The following SARM1 variants were observed in gnomAD, a reference collection of about 807,000 sequenced individuals.
SARM1 encodes sterile alpha and TIR motif containing 1, also known as NAD(+) hydrolase SARM1.
SARM1 carries 60 observed loss-of-function variants against 65.1 expected under a neutral mutation model. The ratio of observed to expected loss-of-function variants is 0.92; its 90% CI spans 0.75 to 1.14. The LOEUF is 1.14. SARM1 is among the 50% of genes most tolerant of loss of function. The pLI is 0.00. For missense variants in SARM1, 913 were observed against 1,015.7 expected, an observed-to-expected ratio of 0.90 and a Z score of 1.37; for synonymous variants, 417 against 465.4, an observed-to-expected ratio of 0.90 and a Z score of 1.34.
In SARM1 at chr17:28,396,846, G is replaced by A. The variant is rs2068131151; in HGVS notation, c.*560G>A. 1 of 153,142 alleles carries A rather than the reference G, an allele frequency of 6.5e-6. No individual in the cohort carries two copies. 9.5% of individuals were successfully genotyped at this position (153,142 alleles called of 1,614,324 possible). The stretch of plus-strand genomic sequence containing the variant: ...TGTAATCACTCAGTGCCCTTAGCTA[G>A]CCTGACTAAGTCCCAGATCCCCTAC... On this transcript the variant is annotated 3_prime_UTR_variant, in exon 9 of 9. Coordinates refer to ENST00000585482, the MANE Select transcript of SARM1 (RefSeq NM_015077.4).
intron 2 of SARM1, among the ~76,000 whole-genome samples, chr17:28,383,364 G>C (rs1396202646): frequency 6.6e-6 from 1 of 152,108 alleles, no homozygotes; most frequent in Non-Finnish European, 1.5e-5. Context: ...ACAAAGTGAG[G>C]CTCCATCTCA....
chr17:28,388,719 G>C (rs1460234862), intron 7 of SARM1, among the ~76,000 whole-genome samples, 180 bp downstream of exon 7: 2 of 152,052 alleles, frequency 1.3e-5, no homozygotes, highest in Non-Finnish European at 2.9e-5. Context: ...CAAACCACAA[G>C]GGACAAGAGA....
At position 28,388,286 on chromosome 17, in the gene SARM1, G is replaced by T. The variant is rs1555586364; in HGVS notation, c.1733+10G>T. ...GTTCCCAGCTGGCCAGGTGAGGAGG[G>T]GCGGGCGGGCAGCGACGGGGCGTGG... On this transcript the variant is annotated intron_variant, in intron 6 of 8. Coordinates refer to ENST00000585482, the MANE Select transcript of SARM1 (RefSeq NM_015077.4). 6.4e-7 allele frequency: 1 copy of T among 1,561,812 alleles called. No individual in the cohort carries two copies.
rs938121211 is a variant in SARM1 at position 28,385,358 on chromosome 17, C to G, written c.1630+83C>G. 4 of 1,056,372 alleles carry G rather than the reference C, an allele frequency of 3.8e-6. No homozygotes were observed. The highest frequency in any genetic ancestry group is 4.0e-6 in the Non-Finnish European group (3 of 749,966). The allele number at this position is 1,056,372 out of a possible 1,614,324, so 65.4% of individuals were successfully genotyped here. A position where few individuals can be genotyped will look rare whatever the true frequency, so the allele number is the denominator to read the frequency against. ...TGGTGAGGGGAGACACGGGGTGGAG[C>G]CTTCCAGCCTCGCCGTGGATTGATT... On this transcript the variant is annotated intron_variant, in intron 5 of 8. Coordinates refer to ENST00000585482, the MANE Select transcript of SARM1 (RefSeq NM_015077.4). The surrounding 1 kb of genome is among the most constrained non-coding windows in gnomAD (Gnocchi z 4.5).
chr17:28,384,648 G>T lies in SARM1; in HGVS notation c.1302+79G>T. 1 of 1,403,192 alleles carries T rather than the reference G, an allele frequency of 7.1e-7. No individual in the cohort carries two copies. The highest frequency in any genetic ancestry group is 9.6e-7 in the Non-Finnish European group (1 of 1,037,554). 86.9% of individuals were successfully genotyped at this position (1,403,192 alleles called of 1,614,324 possible). A position where few individuals can be genotyped will look rare whatever the true frequency, so the allele number is the denominator to read the frequency against. On this transcript the variant is annotated intron_variant, in intron 3 of 8. Transcript: ENST00000585482. This position sits in a 1 kb window ranked among gnomAD's most constrained non-coding sequence, Gnocchi z 4.4. ...AGGGACTGCGTTCCCTCCCCGCCTC[G>T]CAATCCCGCGGCGCCAGGGTCGCTT... is the stretch of plus-strand genomic sequence containing the variant.
chr17:28,400,851 G>A lies in SARM1; in HGVS notation c.*4565G>A. On this transcript the variant is annotated 3_prime_UTR_variant, in exon 9 of 9. Coordinates refer to ENST00000585482, the MANE Select transcript of SARM1 (RefSeq NM_015077.4). ...CCACCACCTCACAGCTGTGTGACCG[G>A]GAGTAGTCACTTAACCTATGTCTCC... 7.9e-7 allele frequency: 1 copy of A among 1,272,182 alleles called. No individual in the cohort carries two copies. Among genetic ancestry groups the A allele is most frequent in the Non-Finnish European group, 1.1e-6 (1 of 898,616 alleles). 78.8% of individuals were successfully genotyped at this position (1,272,182 alleles called of 1,614,324 possible).
Position 28,388,171 on chromosome 17 carries a change from C to A in SARM1, c.1631-3C>A. 6.5e-7 allele frequency: 1 copy of A among 1,547,828 alleles called. No homozygotes were observed. Among genetic ancestry groups the A allele is most frequent in the Non-Finnish European group, 8.7e-7 (1 of 1,145,342 alleles). On this transcript the variant is annotated splice_region_variant and splice_polypyrimidine_tract_variant and intron_variant, in intron 5 of 8. Coordinates refer to ENST00000585482, the MANE Select transcript of SARM1 (RefSeq NM_015077.4). ...TCACCATGCTGCCTATTGCCCACTTCAGAAATGCTACACTCCCCGCTGCCC... is the reference window on the plus strand; with the variant it reads ...TCACCATGCTGCCTATTGCCCACTTAAGAAATGCTACACTCCCCGCTGCCC...
chr17:28,381,958 G>T, intron 2 of SARM1, 137 bp downstream of exon 2: 1 of 1,171,712 alleles, frequency 8.5e-7, no homozygotes, highest in South Asian at 2.6e-5. Context: ...GAGCGGGCCA[G>T]TCATTTTGGC....
chr17:28,396,417 C>G lies in SARM1; in HGVS notation c.*131C>G, dbSNP rs1567812587. 9.8e-7 allele frequency: 1 copy of G among 1,024,980 alleles called. No homozygotes were observed. Among genetic ancestry groups the G allele is most frequent in the Non-Finnish European group, 1.4e-6 (1 of 692,662 alleles). 63.5% of individuals were successfully genotyped at this position (1,024,980 alleles called of 1,614,324 possible). On this transcript the variant is annotated 3_prime_UTR_variant, in exon 9 of 9. Coordinates refer to ENST00000585482, the MANE Select transcript of SARM1 (RefSeq NM_015077.4). The stretch of plus-strand genomic sequence containing the variant: ...TCTTAGGAAATGGCTCTCCCTCCCC[C>G]TGTCCCCCACCCTCATGGCCCACCT...
Position 28,384,821 on chromosome 17 carries a change from A to C in SARM1, c.1303-18A>C, listed in dbSNP as rs375015257. 107 of 1,550,936 alleles carry C rather than the reference A, an allele frequency of 6.9e-5. No homozygotes were observed. The African/African-American group carries it at 1.3e-3, about 19-fold the overall frequency. On this transcript the variant is annotated intron_variant, in intron 3 of 8. Coordinates refer to ENST00000585482, the MANE Select transcript of SARM1 (RefSeq NM_015077.4). This position sits in a 1 kb window ranked among gnomAD's most constrained non-coding sequence, Gnocchi z 4.4. ...GCGGAGTAGCGAAGCCCTTCCTGACACCCGACTCCTCCCCCAGGAGCAGCA... is the reference window on the plus strand; with the variant it reads ...GCGGAGTAGCGAAGCCCTTCCTGACCCCCGACTCCTCCCCCAGGAGCAGCA...
intron 1 of SARM1, among the ~76,000 whole-genome samples, chr17:28,374,991 A>C (rs1280447069): frequency 1.3e-5 from 2 of 150,430 alleles, no homozygotes; most frequent in Admixed American, 6.6e-5. Flanking sequence ...AAAAAAAAAA[A>C]AAAACAATTC....
chr17:28,389,363 A>G (rs1161481829), intron 7 of SARM1, among the ~76,000 whole-genome samples: 1 of 152,186 alleles, frequency 6.6e-6, no homozygotes, highest in East Asian at 1.9e-4. Context: ...TATTATTATT[A>G]ATATAATTAT....
intron 7 of SARM1, among the ~76,000 whole-genome samples, chr17:28,392,415 C>T (rs782641304): frequency 1.4e-4 from 21 of 152,140 alleles, no homozygotes; most frequent in African/African-American, 1.9e-4. Context: ...CACACACGGC[C>T]GCCATTATCC....
At chr17:28,387,268 T>C (rs2068055936) in intron 5 of SARM1, among the ~76,000 whole-genome samples, 1 of 151,434 alleles carries the variant, frequency 6.6e-6, no homozygotes, top group Admixed American at 6.6e-5. Context: ...AGTCTCACTC[T>C]GTCGCCCAGG....
Position 28,399,574 on chromosome 17 carries a change from G to A in SARM1, c.*3288G>A. 4 of 1,439,618 alleles carry A rather than the reference G, an allele frequency of 2.8e-6. No individual in the cohort carries two copies. The highest frequency in any genetic ancestry group is 3.9e-6 in the Non-Finnish European group (4 of 1,025,722). 89.2% of individuals were successfully genotyped at this position (1,439,618 alleles called of 1,614,324 possible). On this transcript the variant is annotated 3_prime_UTR_variant, in exon 9 of 9. Transcript: ENST00000585482. The stretch of plus-strand genomic sequence containing the variant: ...AGACAAGAGTTGCTTGTCCTGCTGT[G>A]GGCTGGGCTTCCAGCTGCAGACCTC...
intron 1 of SARM1, among the ~76,000 whole-genome samples, chr17:28,377,561 A>G (rs2142425385): frequency 1.3e-5 from 2 of 152,376 alleles, no homozygotes. Flanking sequence ...CTGTGAGCTT[A>G]TGGCATGTTC....
At chr17:28,379,982 G>A (rs945304385) in intron 1 of SARM1, among the ~76,000 whole-genome samples, 1 of 143,938 alleles carries the variant, frequency 6.9e-6, no homozygotes, top group East Asian at 2.0e-4. Flanking sequence ...TTTTGAATTT[G>A]TTGCCTTTTT....
chr17:28,399,805 G>C lies in SARM1; in HGVS notation c.*3519G>C. 2 of 1,350,690 alleles carry C rather than the reference G, an allele frequency of 1.5e-6. No individual in the cohort carries two copies. Among genetic ancestry groups the C allele is most frequent in the Middle Eastern group, 1.8e-4 (1 of 5,622 alleles). 83.7% of individuals were successfully genotyped at this position (1,350,690 alleles called of 1,614,324 possible). ...GACACAGGATTTACTGGGGTGGGCTGGTCCAGGTAGCTCTCCTGAACCTCC... is the reference window on the plus strand; with the variant it reads ...GACACAGGATTTACTGGGGTGGGCTCGTCCAGGTAGCTCTCCTGAACCTCC... On this transcript the variant is annotated 3_prime_UTR_variant, in exon 9 of 9. Transcript: ENST00000585482.
At position 28,401,500 on chromosome 17, in the gene SARM1, A is replaced by G. The variant is rs1555589626; in HGVS notation, c.*5214A>G. On this transcript the variant is annotated 3_prime_UTR_variant, in exon 9 of 9. Transcript: ENST00000585482. ...GATCCTCATTCCAGGACAGATGGAAAAAGATGAATGTTTCCAGACTGGGGC... is the reference window on the plus strand; with the variant it reads ...GATCCTCATTCCAGGACAGATGGAAGAAGATGAATGTTTCCAGACTGGGGC... 1.3e-5 allele frequency: 2 copies of G among 152,444 alleles called. No individual in the cohort carries two copies. The highest frequency in any genetic ancestry group is 1.9e-4 in the East Asian group (1 of 5,198). The allele number at this position is 152,444 out of a possible 1,614,324, so 9.4% of individuals were successfully genotyped here.
Sources: allele counts gnomAD v4.1 joint callset (sites outside exome capture counted in the v4.1 genomes callset), GRCh38; gene constraint gnomAD v4.1.1; non-coding constraint Gnocchi (gnomAD v3.1); transcripts MANE v1.5; gene names NCBI Gene and HGNC (gene_info 2026-07-23, HGNC 2026-07-21).